FANCC: variants seen among roughly 807,000 people sequenced by gnomAD.
FANCC encodes Fanconi anemia group C protein.
In FANCC, 55 loss-of-function variants were observed where a neutral mutation model predicts 71.3. The observed-to-expected ratio is 0.77, with a 90% CI of 0.62 to 0.97. FANCC has a LOEUF of 0.97. FANCC is among the 50% of genes least tolerant of loss of function. The probability of loss-of-function intolerance (pLI) is 0.00; values close to 1 mark genes in which losing one functional copy is unlikely to be tolerated. For missense variants in FANCC, 678 were observed against 670.9 expected, an observed-to-expected ratio of 1.01 and a Z score of -0.12; for synonymous variants, 275 against 244.9, an observed-to-expected ratio of 1.12 and a Z score of -1.15.
At chr9:95,102,026 C>G (rs1213921195) in intron 14 of FANCC, among the ~76,000 whole-genome samples, 176 bp from the exon 15 acceptor site, 1 of 152,218 alleles carries the variant, frequency 6.6e-6, no homozygotes, top group Non-Finnish European at 1.5e-5. Context: ...CATAGCAAGT[C>G]TGTCTCCAAG....
In FANCC at chr9:95,301,563, G is replaced by A. The variant is rs147754110; in HGVS notation, c.-79+15963C>T. On this transcript the variant is annotated intron_variant, in intron 1 of 14. Coordinates refer to ENST00000289081, the MANE Select transcript of FANCC (RefSeq NM_000136.3). The stretch of plus-strand genomic sequence containing the variant: ...CCACCTCAGCCTCCCTAGTAGCTGG[G>A]ACCACAGGCATGCACCACCATGCCC... Among the ~76,000 whole-genome samples the A allele has an allele frequency of 1.5e-3, 227 of 151,958 alleles. 1 individual carries two copies. Among genetic ancestry groups the A allele is most frequent in the Middle Eastern group, 6.8e-3 (2 of 292 alleles).
At chr9:95,311,277 T>C (rs1197470273) in intron 1 of FANCC, among the ~76,000 whole-genome samples, 1 of 149,852 alleles carries the variant, frequency 6.7e-6, no homozygotes, top group Non-Finnish European at 1.5e-5. Context: ...TAAGGAAATC[T>C]ATTGAGTACA....
At chr9:95,248,980 C>T (rs1352378790) in intron 2 of FANCC, 147 bp downstream of exon 2, 2 of 733,452 alleles carry the variant, frequency 2.7e-6, no homozygotes, top group East Asian at 2.6e-5. Flanking sequence ...GACTAGGAAA[C>T]CAGCTCTTGA....
intron 1 of FANCC, chr9:95,294,856 C>G (rs1834275824): frequency 2.0e-6 from 3 of 1,479,838 alleles, no homozygotes; most frequent in Admixed American, 2.3e-5. Flanking sequence ...ACCATTTCCT[C>G]TGGATTAAAA....
intron 1 of FANCC, among the ~76,000 whole-genome samples, chr9:95,302,918 A>G (rs1450478129): frequency 6.6e-6 from 1 of 152,240 alleles, no homozygotes; most frequent in Non-Finnish European, 1.5e-5. Flanking sequence ...TTTGCACTAT[A>G]ATGGCTGTTT....
intron 6 of FANCC, among the ~76,000 whole-genome samples, chr9:95,170,377 T>C (rs1825586007): frequency 6.7e-6 from 1 of 148,684 alleles, no homozygotes; most frequent in Non-Finnish European, 1.5e-5. Flanking sequence ...TGATAGAGCT[T>C]GAATTAGCAA....
At chr9:95,128,105 G>C (rs950841254) in intron 8 of FANCC, among the ~76,000 whole-genome samples, 4 of 152,148 alleles carry the variant, frequency 2.6e-5, no homozygotes, top group Non-Finnish European at 5.9e-5. Context: ...TCGTGGCTTC[G>C]AACTTAGGCA....
At chr9:95,137,862 A>G (rs1827944593) in intron 7 of FANCC, among the ~76,000 whole-genome samples, 2 of 152,222 alleles carry the variant, frequency 1.3e-5, no homozygotes, top group African/African-American at 4.8e-5. Flanking sequence ...ATGAACCCTG[A>G]GTGTGCCGGG....
At chr9:95,165,709 C>T (rs538028329) in intron 6 of FANCC, among the ~76,000 whole-genome samples, 1 of 152,134 alleles carries the variant, frequency 6.6e-6, no homozygotes, top group Non-Finnish European at 1.5e-5. Context: ...TGTGGTCTTT[C>T]CTACAGAATG....
Position 95,101,649 on chromosome 9 carries a change from C to A in FANCC, c.*58G>T. The A allele has an allele frequency of 6.2e-7, 1 of 1,607,706 alleles. No individual in the cohort carries two copies. Among genetic ancestry groups the A allele is most frequent in the Admixed American group, 1.7e-5 (1 of 59,800 alleles). The stretch of plus-strand genomic sequence containing the variant: ...GCGTGGCCACAGGTCATCACCTGTC[C>A]TGTGGCCCTGGCGAGCCTGATCCCT... On this transcript the variant is annotated 3_prime_UTR_variant, in exon 15 of 15. Transcript: ENST00000289081.
intron 4 of FANCC, among the ~76,000 whole-genome samples, chr9:95,220,521 T>G (rs547832377): frequency 6.6e-6 from 1 of 152,332 alleles, no homozygotes; most frequent in African/African-American, 2.4e-5. Context: ...ATATACAGCA[T>G]GGAATACTAT....
chr9:95,251,591 C>T (rs1161792774), intron 1 of FANCC, among the ~76,000 whole-genome samples: 1 of 152,166 alleles, frequency 6.6e-6, no homozygotes, highest in Non-Finnish European at 1.5e-5. Flanking sequence ...GCTGGGATTA[C>T]AGGCATGAGC....
rs1834211024 is a variant in FANCC, at chr9:95,293,848, A to G, written c.-79+23678T>C. ...ACCAGTGGGATACAAAGTCCAACGG[A>G]TGACCATGTACAGATGGACCAAGCT... On this transcript the variant is annotated intron_variant, in intron 1 of 14. Transcript: ENST00000289081. The G allele has an allele frequency of 2.5e-6, 4 of 1,611,818 alleles. No individual in the cohort carries two copies. In the Admixed American group the frequency reaches 6.7e-5, roughly 27 times the overall value.
In FANCC at chr9:95,223,777, G is replaced by A. The variant is rs943134510; in HGVS notation, c.345+16872C>T. 3.3e-5 allele frequency among the ~76,000 whole-genome samples: 5 copies of A among 152,132 alleles called. 1 individual carries two copies. The highest frequency in any genetic ancestry group is 1.2e-4 in the African/African-American group (5 of 41,436). On this transcript the variant is annotated intron_variant, in intron 4 of 14. Coordinates refer to ENST00000289081, the MANE Select transcript of FANCC (RefSeq NM_000136.3). ...GGATCACCTGAGGTCGGGAGTTCGA[G>A]ACCAGCCTGACCAACATGGAGAAAC... is the stretch of plus-strand genomic sequence containing the variant.
intron 10 of FANCC, among the ~76,000 whole-genome samples, chr9:95,124,029 G>A (rs1019803406): frequency 2.1e-5 from 3 of 145,472 alleles, no homozygotes; most frequent in East Asian, 4.2e-4. Flanking sequence ...ACCTGAGCTT[G>A]GGGGGTTGAG....
rs563219412 is a variant in FANCC at position 95,292,973 on chromosome 9, C to A, written c.-79+24553G>T. ...TGCAGTCTCACATCTACCGAACTGG[C>A]CACGAGATCCCTGCAGAACACAGGG... On this transcript the variant is annotated intron_variant, in intron 1 of 14. Coordinates refer to ENST00000289081, the MANE Select transcript of FANCC (RefSeq NM_000136.3). 13 of 1,576,858 alleles carry A rather than the reference C, an allele frequency of 8.2e-6. No homozygotes were observed. The South Asian group carries it at 1.2e-4, about 15-fold the overall frequency.
intron 1 of FANCC, among the ~76,000 whole-genome samples, chr9:95,275,566 A>T (rs1484993787): frequency 6.6e-6 from 1 of 151,974 alleles, no homozygotes; most frequent in African/African-American, 2.4e-5. Context: ...GGATGTTGAC[A>T]GTAGGGGGAT....
chr9:95,241,530 T>C lies in FANCC; in HGVS notation c.251-787A>G, dbSNP rs538460678. Reference sequence around the variant, plus strand: ...AGAAACAAAAATGGGGCCTAGAAACTGAAGATGTCAGTACCCGAGCTAGGG... The same window carrying C: ...AGAAACAAAAATGGGGCCTAGAAACCGAAGATGTCAGTACCCGAGCTAGGG... On this transcript the variant is annotated intron_variant, in intron 3 of 14. Transcript: ENST00000289081. Among the ~76,000 whole-genome samples the C allele has an allele frequency of 6.6e-5, 10 of 152,266 alleles. No individual in the cohort carries two copies. In the South Asian group the frequency reaches 1.9e-3, roughly 28 times the overall value.
chr9:95,301,045 G>A (rs1282601802), intron 1 of FANCC, among the ~76,000 whole-genome samples: 1 of 152,052 alleles, frequency 6.6e-6, no homozygotes, highest in African/African-American at 2.4e-5. Context: ...TTGGTGGTGA[G>A]TGCCACCAAA....
Sources: gnomAD v4.1 joint callset for allele counts (sites outside exome capture counted in the v4.1 genomes callset) on GRCh38, gnomAD v4.1.1 for gene constraint, MANE v1.5 for transcripts, NCBI Gene and HGNC (gene_info 2026-07-23, HGNC 2026-07-21) for gene names.